MUC7: variants seen among roughly 807,000 people sequenced by gnomAD.
MUC7 encodes mucin 7, secreted.
Under a neutral mutation model 2.5 loss-of-function variants are expected in MUC7, and 2 were observed. The observed-to-expected ratio is 0.81, with a 90% CI of 0.33 to 2.55. The LOEUF is 2.55. Among genes scored for constraint, MUC7 ranks in the 30% most tolerant of loss-of-function variants. The probability of loss-of-function intolerance (pLI) is 0.11; values close to 1 mark genes in which losing one functional copy is unlikely to be tolerated. For missense variants in MUC7, 408 were observed against 455.6 expected (o/e 0.90, Z 0.95); for synonymous variants, 133 against 173.4 (o/e 0.77, Z 1.83).
At chr4:70,462,969 A>AAATGAATG (rs145384221) in intron 1 of MUC7, among the ~76,000 whole-genome samples, 252 of 151,816 alleles carry the variant, frequency 1.7e-3, no homozygotes, top group African/African-American at 6.0e-3. Flanking sequence ...TTGTCTCTAA[A>AAATGAATG]AATGAATGAA....
Position 70,481,401 on chromosome 4 carries a change from T to C in MUC7, c.657T>C (p.Pro219=). 1 of 1,612,968 alleles carries C rather than the reference T, an allele frequency of 6.2e-7. No homozygotes were observed. The highest frequency in any genetic ancestry group is 1.7e-5 in the Admixed American group (1 of 59,892). The change falls in exon 3 of 3, where the codon CCT becomes CCC. Residue 219 remains proline (P), a synonymous_variant. Transcript: ENST00000304887. ...CCACAGCTGCCCCACCCACACCTCC[T>C]GCAACTACACCAGCTCCACCATCTT... ...PETTAAPPTP[P]ATTPAPPSSS...
chr4:70,478,994 AT>A (rs1053003151), intron 2 of MUC7, among the ~76,000 whole-genome samples: 3 of 152,270 alleles, frequency 2.0e-5, no homozygotes, highest in African/African-American at 7.2e-5. Context: ...GGACAATTTA[AT>A]TTTCTAAACA....
upstream of MUC7, among the ~76,000 whole-genome samples, chr4:70,471,102 A>G (rs1275957534): frequency 6.6e-6 from 1 of 152,264 alleles, no homozygotes; most frequent in African/African-American, 2.4e-5. Flanking sequence ...CTGACTAGCT[A>G]GAAGTGGAAT....
intron 1 of MUC7, among the ~76,000 whole-genome samples, chr4:70,453,467 C>T (rs1471903378): frequency 6.6e-6 from 1 of 152,218 alleles, no homozygotes; most frequent in Non-Finnish European, 1.5e-5. Flanking sequence ...CTCAAGGGCT[C>T]TTCAGTCAGC....
chr4:70,460,303 A>G (rs920868185), intron 1 of MUC7, among the ~76,000 whole-genome samples: 6 of 152,206 alleles, frequency 3.9e-5, no homozygotes, highest in African/African-American at 1.4e-4. Flanking sequence ...AGAAAAATCC[A>G]CAATGCTGGT....
Position 70,480,960 on chromosome 4 carries a change from T to C in MUC7, c.216T>C (p.Pro72=). ...AATGTCTGCACAAACGCTGTAGGCC[T>C]AAGCTTCCACCTTCACCTAATAACC... ...SYKCLHKRCR[P]KLPPSPNNPP... The change falls in exon 3 of 3, where the codon CCT becomes CCC. Residue 72 remains proline (P), a synonymous_variant. Coordinates refer to ENST00000304887, the MANE Select transcript of MUC7 (RefSeq NM_152291.3). 1 of 1,614,104 alleles carries C rather than the reference T, an allele frequency of 6.2e-7. No individual in the cohort carries two copies. Among genetic ancestry groups the C allele is most frequent in the South Asian group, 1.1e-5 (1 of 91,076 alleles).
upstream of MUC7, among the ~76,000 whole-genome samples, chr4:70,470,375 C>T (rs1225344579): frequency 6.6e-6 from 1 of 152,004 alleles, no homozygotes. Flanking sequence ...CCTGCACATT[C>T]TGCACATGTA....
intron 1 of MUC7, among the ~76,000 whole-genome samples, chr4:70,448,609 TAATC>T (rs1220259739): frequency 6.6e-6 from 1 of 152,220 alleles, no homozygotes; most frequent in Admixed American, 6.5e-5. Context: ...GCCCATTTCT[TAATC>T]AAATTATTAG....
chr4:70,464,530 A>G (rs1430758506), intron 1 of MUC7, among the ~76,000 whole-genome samples: 1 of 152,128 alleles, frequency 6.6e-6, no homozygotes, highest in Non-Finnish European at 1.5e-5. Context: ...CAACAGTCTG[A>G]AGTCAATCTG....
rs1479438566 is a variant in MUC7, at chr4:70,474,111, A to G, written c.54+36A>G. 2.5e-6 allele frequency: 4 copies of G among 1,573,208 alleles called. No individual in the cohort carries two copies. The South Asian group carries it at 3.3e-5, about 13-fold the overall frequency. Reference sequence around the variant, plus strand: ...ACCCAAATAAGTTTTTTCCTTAACTATCAATAACAAACATTTAGTGTACCT... The same window carrying G: ...ACCCAAATAAGTTTTTTCCTTAACTGTCAATAACAAACATTTAGTGTACCT... On this transcript the variant is annotated intron_variant, in intron 2 of 2. Coordinates refer to ENST00000304887, the MANE Select transcript of MUC7 (RefSeq NM_152291.3).
chr4:70,440,537 A>G (rs1733976676), intron 1 of MUC7, among the ~76,000 whole-genome samples: 2 of 152,202 alleles, frequency 1.3e-5, no homozygotes, highest in Admixed American at 1.3e-4. Context: ...CATTTGATAG[A>G]TCAGTAAGGT....
chr4:70,441,245 T>A (rs1306750817), intron 1 of MUC7, among the ~76,000 whole-genome samples: 1 of 152,182 alleles, frequency 6.6e-6, no homozygotes, highest in Non-Finnish European at 1.5e-5. Context: ...CATTCTTGTT[T>A]AAGAACTTTA....
At chr4:70,449,317 G>T (rs778914028) in intron 1 of MUC7, among the ~76,000 whole-genome samples, 1 of 152,076 alleles carries the variant, frequency 6.6e-6, no homozygotes, top group East Asian at 1.9e-4. Flanking sequence ...CAATTGTGAC[G>T]GAAAGCAAAA....
At chr4:70,471,024 A>G (rs1734821925), upstream of MUC7, among the ~76,000 whole-genome samples, 1 of 152,202 alleles carries the variant, frequency 6.6e-6, no homozygotes, top group African/African-American at 2.4e-5. Context: ...ATGGCTACTA[A>G]GTGGAGAAGC....
chr4:70,463,337 G>A (rs1018355474), intron 1 of MUC7, among the ~76,000 whole-genome samples: 1 of 152,062 alleles, frequency 6.6e-6, no homozygotes, highest in African/African-American at 2.4e-5. Context: ...CATTGGGGCT[G>A]GGGGTCAACA....
intron 1 of MUC7, among the ~76,000 whole-genome samples, chr4:70,462,906 C>T (rs1734593632): frequency 6.6e-6 from 1 of 152,116 alleles, no homozygotes; most frequent in South Asian, 2.1e-4. Context: ...TTTGAGACTG[C>T]ACTGAGCTAA....
chr4:70,456,338 T>G (rs1451993464), intron 1 of MUC7, among the ~76,000 whole-genome samples: 8 of 152,118 alleles, frequency 5.3e-5, no homozygotes, highest in Admixed American at 5.2e-4. Context: ...ATGTCAAAAA[T>G]GAAGGAAATG....
At chr4:70,451,339 A>C (rs1382342282) in intron 1 of MUC7, among the ~76,000 whole-genome samples, 1 of 152,240 alleles carries the variant, frequency 6.6e-6, no homozygotes, top group Non-Finnish European at 1.5e-5. Flanking sequence ...TGTGGCACAG[A>C]CAATTCATTA....
chr4:70,432,527 T>C (rs2109784061), intron 1 of MUC7, among the ~76,000 whole-genome samples: 1 of 152,390 alleles, frequency 6.6e-6, no homozygotes, highest in African/African-American at 2.4e-5. Context: ...ATGTGTCTGT[T>C]GGCTGCATAA....
Sources: gnomAD v4.1 joint callset for allele counts (sites outside exome capture counted in the v4.1 genomes callset) on GRCh38, gnomAD v4.1.1 for gene constraint, MANE v1.5 for transcripts, NCBI Gene and HGNC (gene_info 2026-07-23, HGNC 2026-07-21) for gene names.